Variants in ALX4 observed in about 807,000 individuals in gnomAD.
ALX4 encodes the protein homeobox protein aristaless-like 4.
ALX4 carries 22 observed loss-of-function variants against 40.6 expected under a neutral mutation model. The observed-to-expected ratio is 0.54, with a 90% CI of 0.39 to 0.77. ALX4 has a LOEUF of 0.77. Among genes scored for constraint, ALX4 ranks in the 30% least tolerant of loss-of-function variants. The pLI, the probability that ALX4 is intolerant of heterozygous loss-of-function variation, is 0.00. For missense variants in ALX4, 556 were observed against 564.8 expected, an observed-to-expected ratio of 0.98 and a Z score of 0.16; for synonymous variants, 266 against 240.5, an observed-to-expected ratio of 1.11 and a Z score of -0.98.
rs1256378150 is a variant in ALX4, at chr11:44,265,037, A to G, written c.1053T>C (p.Ser351=). The G allele has an allele frequency of 3.1e-6, 5 of 1,613,042 alleles. No individual in the cohort carries two copies. The highest frequency in any genetic ancestry group is 1.1e-5 in the South Asian group (1 of 91,076). ...SGASSVTDFL[S]VSGAGSHVGQ... is the part of the protein sequence containing the mutation. ...CCACGTGACTGCCAGCCCCAGACACACTCAGGAAGTCGGTGACGCTGCTGG... is the reference window on the plus strand; with the variant it reads ...CCACGTGACTGCCAGCCCCAGACACGCTCAGGAAGTCGGTGACGCTGCTGG... Residue 351 remains serine (S), a synonymous_variant, in exon 4 of 4, where the codon AGT becomes AGC. Coordinates refer to ENST00000652299, the MANE Select transcript of ALX4 (RefSeq NM_021926.4).
In ALX4 at chr11:44,264,556, G is replaced by A. The variant is rs1282700955; in HGVS notation, c.*298C>T. ...CAGAGGAGTGGGCGGGAGCAAGAAA[G>A]CGCTTTCAGCTTATCATGGATGCGA... On this transcript the variant is annotated 3_prime_UTR_variant, in exon 4 of 4. Transcript: ENST00000652299. 1 of 512,628 alleles carries A rather than the reference G, an allele frequency of 2.0e-6. No individual in the cohort carries two copies. Among genetic ancestry groups the A allele is most frequent in the African/African-American group, 1.9e-5 (1 of 52,412 alleles). 31.8% of individuals were successfully genotyped at this position (512,628 alleles called of 1,614,324 possible). A position where few individuals can be genotyped will look rare whatever the true frequency, so the allele number is the denominator to read the frequency against.
At chr11:44,275,738 A>T in intron 1 of ALX4, 80 bp from the exon 2 acceptor site, 1 of 1,401,894 alleles carries the variant, frequency 7.1e-7, no homozygotes, top group Non-Finnish European at 9.7e-7. Flanking sequence ...AGAGTGGGGC[A>T]CTCGGGTAGC....
Position 44,261,932 on chromosome 11 carries a change from G to C in ALX4, c.*2922C>G, listed in dbSNP as rs941679426. ...CCTGACTTGCTCAGTCATCCTAGGA[G>C]CTGACACGGCAGTGGCCCCCTGCTC... On this transcript the variant is annotated 3_prime_UTR_variant, in exon 4 of 4. Coordinates refer to ENST00000652299, the MANE Select transcript of ALX4 (RefSeq NM_021926.4). 18 of 152,300 alleles carry C rather than the reference G, an allele frequency of 1.2e-4. No individual in the cohort carries two copies. The highest frequency in any genetic ancestry group is 3.9e-4 in the African/African-American group (16 of 41,474). 9.4% of individuals were successfully genotyped at this position (152,300 alleles called of 1,614,324 possible).
chr11:44,294,187 T>C (rs1023497322), intron 1 of ALX4, among the ~76,000 whole-genome samples: 15 of 152,332 alleles, frequency 9.8e-5, no homozygotes, highest in Middle Eastern at 6.8e-3. Flanking sequence ...CATCTTCAAA[T>C]TGAGGATACT....
At chr11:44,303,022 G>A (rs190015317) in intron 1 of ALX4, among the ~76,000 whole-genome samples, 4 of 148,278 alleles carry the variant, frequency 2.7e-5, no homozygotes, top group East Asian at 4.1e-4. Context: ...GAATGCAAAG[G>A]TGGAGGCTGG....
chr11:44,282,943 A>G (rs1462974444), intron 1 of ALX4, among the ~76,000 whole-genome samples: 1 of 152,180 alleles, frequency 6.6e-6, no homozygotes, highest in Non-Finnish European at 1.5e-5. Flanking sequence ...ATAAAAGTAT[A>G]TACCAAAAAG....
chr11:44,265,267 C>G (rs1203930690), intron 3 of ALX4, 84 bp from the exon 4 acceptor site: 1 of 1,251,958 alleles, frequency 8.0e-7, no homozygotes, highest in Admixed American at 2.6e-5. Flanking sequence ...GAGCACCTCT[C>G]CCCTCACTGT....
chr11:44,264,507 T>G lies in ALX4; in HGVS notation c.*347A>C, dbSNP rs570155774. The G allele has an allele frequency of 2.4e-4, 82 of 336,776 alleles. 1 individual carries two copies. Among genetic ancestry groups the G allele is most frequent in the African/African-American group, 1.6e-3 (75 of 48,080 alleles). 20.9% of individuals were successfully genotyped at this position (336,776 alleles called of 1,614,324 possible). On this transcript the variant is annotated 3_prime_UTR_variant, in exon 4 of 4. Transcript: ENST00000652299. ...CTGGGTCTGCATGGAAATCTAGCAT[T>G]GACTCATGGTCAACTAGGCAGAGCA...
At chr11:44,302,631 G>A (rs1336736868) in intron 1 of ALX4, among the ~76,000 whole-genome samples, 1 of 152,158 alleles carries the variant, frequency 6.6e-6, no homozygotes, top group Non-Finnish European at 1.5e-5. Flanking sequence ...CCATGAGCCC[G>A]GGGCCTCAGC....
chr11:44,275,745 T>G (rs1590691627), intron 1 of ALX4, 87 bp from the exon 2 acceptor site: 1 of 1,322,452 alleles, frequency 7.6e-7, no homozygotes, highest in Non-Finnish European at 1.0e-6. Flanking sequence ...GGCACTCGGG[T>G]AGCCACCCCC....
chr11:44,276,303 G>A (rs1187934318), intron 1 of ALX4, among the ~76,000 whole-genome samples: 2 of 152,184 alleles, frequency 1.3e-5, no homozygotes, highest in African/African-American at 4.8e-5. Context: ...TTCTTCCTTG[G>A]GGGTGCATGG....
chr11:44,261,218 CGT>C lies in ALX4; in HGVS notation c.*3634_*3635del, dbSNP rs1956180127. ...CCATGAAACAGACCAGGAACCCCCG[CGT>C]GTCTTTCAGGTTCTCGAAGATGGCC... is the stretch of plus-strand genomic sequence containing the variant. On this transcript the variant is annotated 3_prime_UTR_variant, in exon 4 of 4. Coordinates refer to ENST00000652299, the MANE Select transcript of ALX4 (RefSeq NM_021926.4). 1 of 152,250 alleles carries C rather than the reference CGT, an allele frequency of 6.6e-6. No individual in the cohort carries two copies. Among genetic ancestry groups the C allele is most frequent in the African/African-American group, 2.4e-5 (1 of 41,438 alleles). 9.4% of individuals were successfully genotyped at this position (152,250 alleles called of 1,614,324 possible).
rs1458347692 is a variant in ALX4 at position 44,275,626 on chromosome 11, G to T, written c.499C>A (p.Pro167Thr). Residue 167 changes from proline (P) to threonine (T), a missense_variant, in exon 2 of 4, where the codon CCC becomes ACC. Physicochemically the swap from Pro to Thr is conservative, Grantham distance 38. Transcript: ENST00000652299. ...ATCCCCACAGTGTCAGAGTCAGGGG[G>T]TAACTCTGGCTCACCCAGGGAGCTC... ...KESSLGEPEL[P>T]PDSDTVGMDS... The T allele has an allele frequency of 4.3e-6, 7 of 1,613,438 alleles. No homozygotes were observed. The Admixed American group carries it at 1.0e-4, about 23-fold the overall frequency.
intron 1 of ALX4, among the ~76,000 whole-genome samples, chr11:44,303,445 C>T (rs1565010860): frequency 8.5e-5 from 13 of 152,092 alleles, no homozygotes. Flanking sequence ...CTCCCAGTGA[C>T]CCCCTCCTCA....
At chr11:44,289,814 G>A (rs960746642) in intron 1 of ALX4, among the ~76,000 whole-genome samples, 6 of 152,156 alleles carry the variant, frequency 3.9e-5, no homozygotes, top group Non-Finnish European at 8.8e-5. Context: ...TCCTCAAGGA[G>A]GCTAGAAGTT....
At chr11:44,305,584 C>G (rs1291293395) in intron 1 of ALX4, among the ~76,000 whole-genome samples, 1 of 152,334 alleles carries the variant, frequency 6.6e-6, no homozygotes, top group Non-Finnish European at 1.5e-5. Context: ...AGTTCTCTAA[C>G]TAAATTCAAA....
At chr11:44,286,181 C>T (rs763136882) in intron 1 of ALX4, among the ~76,000 whole-genome samples, 9 of 152,266 alleles carry the variant, frequency 5.9e-5, no homozygotes, top group Middle Eastern at 3.4e-3. Flanking sequence ...GAAGAAGGGA[C>T]CTTTCAGGAT....
chr11:44,300,699 C>T (rs993790238), intron 1 of ALX4, among the ~76,000 whole-genome samples: 1 of 152,176 alleles, frequency 6.6e-6, no homozygotes, highest in African/African-American at 2.4e-5. Context: ...TGCCATTCAA[C>T]ACAGGGAGAA....
At chr11:44,275,092 C>G (rs1956269739) in intron 2 of ALX4, among the ~76,000 whole-genome samples, 1 of 152,198 alleles carries the variant, frequency 6.6e-6, no homozygotes, top group African/African-American at 2.4e-5. Context: ...TGCCCCTCTG[C>G]TGGAGGCCCT....
Sources: gnomAD v4.1 joint callset for allele counts (sites outside exome capture counted in the v4.1 genomes callset) on GRCh38, gnomAD v4.1.1 for gene constraint, MANE v1.5 for transcripts, NCBI Gene and HGNC (gene_info 2026-07-23, HGNC 2026-07-21) for gene names.